NPC1: variants seen among roughly 807,000 people sequenced by gnomAD.
NPC1 encodes the protein NPC intracellular cholesterol transporter 1.
A neutral mutation model predicts 140.4 loss-of-function variants in NPC1; 85 were observed. The ratio of observed to expected loss-of-function variants is 0.61; its 90% confidence interval spans 0.51 to 0.72. NPC1 has a LOEUF of 0.72. Among genes scored for constraint, NPC1 ranks in the 30% least tolerant of loss-of-function variants. The pLI, the probability that NPC1 is intolerant of heterozygous loss-of-function variation, is 0.00. For synonymous variants in NPC1, 656 were observed against 624.8 expected, an observed-to-expected ratio of 1.05 and a Z score of -0.74; for missense variants, 1,504 against 1,623.8, an observed-to-expected ratio of 0.93 and a Z score of 1.27.
intron 5 of NPC1, among the ~76,000 whole-genome samples, chr18:23,560,737 C>A (rs1567969902): frequency 6.6e-6 from 1 of 152,168 alleles, no homozygotes; most frequent in Admixed American, 6.5e-5. Context: ...CAAGGCAACC[C>A]TTCAATCATG....
chr18:23,566,792 C>T (rs1322885895), intron 4 of NPC1, among the ~76,000 whole-genome samples: 1 of 152,194 alleles, frequency 6.6e-6, no homozygotes, highest in African/African-American at 2.4e-5. Context: ...ATTATAGTAT[C>T]ATATAGAGTA....
At position 23,553,254 on chromosome 18, in the gene NPC1, T is replaced by C. The variant is rs142105263; in HGVS notation, c.1553+1504A>G. 1.6e-3 allele frequency among the ~76,000 whole-genome samples: 241 copies of C among 152,362 alleles called. 1 individual carries two copies. The highest frequency in any genetic ancestry group is 5.5e-3 in the African/African-American group (230 of 41,592). ...TTATCTTGTGCCACAGAGAGTAAAC[T>C]ATAAAATTTATGTAACATTAAATGG... On this transcript the variant is annotated intron_variant, in intron 9 of 24. Transcript: ENST00000269228.
Position 23,568,934 on chromosome 18 carries a change from T to C in NPC1, c.352A>G (p.Ser118Gly). 1 of 1,613,946 alleles carries C rather than the reference T, an allele frequency of 6.2e-7. No homozygotes were observed. The highest frequency in any genetic ancestry group is 1.1e-5 in the South Asian group (1 of 91,074). The change falls in exon 4 of 25, where the codon AGT (serine) becomes GGT (glycine). Residue 118 changes from serine to glycine, a missense_variant. Ser to Gly is a moderately conservative substitution (Grantham distance 56). Coordinates refer to ENST00000269228, the MANE Select transcript of NPC1 (RefSeq NM_000271.5). ...GTAGCTGTAACATTCAAAAACTGACTCTGTCGAGGGCTACATGTCAGCTCA... is the reference window on the plus strand; with the variant it reads ...GTAGCTGTAACATTCAAAAACTGACCCTGTCGAGGGCTACATGTCAGCTCA... ...FCELTCSPRQ[S>G]QFLNVTATED...
chr18:23,585,995 C>A (rs999165464), intron 1 of NPC1, among the ~76,000 whole-genome samples: 1 of 152,236 alleles, frequency 6.6e-6, no homozygotes, highest in Non-Finnish European at 1.5e-5. Flanking sequence ...CCACTCTACC[C>A]ACTTTCCTCC....
At position 23,506,858 on chromosome 18, in the gene NPC1, T is replaced by G. The variant is rs2057729139; in HGVS notation, c.432-216A>C. The G allele has an allele frequency of 1.5e-5, 11 of 737,352 alleles. No individual in the cohort carries two copies. In the Admixed American group the frequency reaches 2.4e-4, roughly 16 times the overall value. The allele number at this position is 737,352 out of a possible 1,614,324, so 45.7% of individuals were successfully genotyped here. On this transcript the variant is annotated intron_variant, in intron 3 of 3. Coordinates refer to the NPC1 transcript ENST00000591107. ...GGCTTCCGAAACATAATTTTAATTT[T>G]AGACTAGAATTTGCTGCCTCCTGAA...
intron 4 of NPC1, 80 bp from the exon 5 acceptor site, chr18:23,561,607 TG>T: frequency 1.4e-6 from 2 of 1,436,226 alleles, no homozygotes; most frequent in Non-Finnish European, 2.0e-6. Flanking sequence ...AAAGGCCTCT[TG>T]AAGGGAAACA....
chr18:23,539,398 G>A lies in NPC1; in HGVS notation c.2868C>T (p.Cys956=). The change falls in exon 19 of 25, where the codon TGC becomes TGT. Residue 956 remains cysteine (C), a synonymous_variant. Coordinates refer to ENST00000269228, the MANE Select transcript of NPC1 (RefSeq NM_000271.5). ...GGTCAGTGATATTGTCCACTCGACA[G>A]CAAGACGACTGTGGCTTCACCCAGT... ...YFDWVKPQSS[C]CRVDNITDQF... 6.2e-7 allele frequency: 1 copy of A among 1,614,040 alleles called. No individual in the cohort carries two copies. The highest frequency in any genetic ancestry group is 1.1e-5 in the South Asian group (1 of 91,002).
At chr18:23,532,864 C>T (rs968083728) in intron 24 of NPC1, 8 of 984,972 alleles carry the variant, frequency 8.1e-6, no homozygotes, top group East Asian at 1.1e-4. Context: ...TTCTTTCAAC[C>T]GTGGGTCATT....
intron 6 of NPC1, 67 bp from the exon 7 acceptor site, chr18:23,557,257 T>G: frequency 8.5e-7 from 1 of 1,171,416 alleles, no homozygotes. Context: ...TTTGGGACAT[T>G]CCTGTAATCC....
chr18:23,532,882 A>G (rs776025126), intron 24 of NPC1: 96 of 985,250 alleles, frequency 9.7e-5, no homozygotes, highest in Non-Finnish European at 1.1e-4. Flanking sequence ...ATTTTTGTGC[A>G]AGGTGAAGTG....
intron 6 of NPC1, among the ~76,000 whole-genome samples, chr18:23,558,347 G>C (rs756561673): frequency 5.3e-5 from 8 of 152,164 alleles, no homozygotes; most frequent in Non-Finnish European, 1.0e-4. Context: ...CCAGGAAAGA[G>C]ACGCATCAAC....
chr18:23,545,215 C>T (rs544553817), intron 11 of NPC1, 66 bp from the exon 12 acceptor site: 1 of 1,217,572 alleles, frequency 8.2e-7, no homozygotes, highest in East Asian at 2.3e-5. Context: ...GAAACTTCTC[C>T]CTAACTTTCA....
At chr18:23,526,590 T>G, downstream of NPC1, 1 of 1,593,974 alleles carries the variant, frequency 6.3e-7, no homozygotes, top group South Asian at 1.1e-5. Context: ...TGGGCTTTTG[T>G]TACGGTTTGC....
intron 1 of NPC1, chr18:23,576,624 C>T (rs1286730217): frequency 9.5e-6 from 3 of 315,560 alleles, no homozygotes; most frequent in South Asian, 1.2e-4. Context: ...TAAGGTGGCG[C>T]GTCTGGAATC....
At chr18:23,559,166 A>C (rs1234512471) in intron 6 of NPC1, among the ~76,000 whole-genome samples, 1 of 152,166 alleles carries the variant, frequency 6.6e-6, no homozygotes, top group African/African-American at 2.4e-5. Flanking sequence ...TATTGTGAAT[A>C]GTGCCGCTAT....
downstream of NPC1, among the ~76,000 whole-genome samples, chr18:23,525,165 C>G (rs568347725): frequency 2.2e-4 from 33 of 151,740 alleles, no homozygotes; most frequent in African/African-American, 7.5e-4. Flanking sequence ...AGGCTGGTCT[C>G]AAACTCCCAA....
intron 1 of NPC1, chr18:23,582,069 T>A (rs2145587951): frequency 6.6e-6 from 1 of 152,342 alleles, no homozygotes; most frequent in Non-Finnish European, 1.5e-5. Context: ...ATCAAGGAGT[T>A]CGATCTGTAA....
At chr18:23,562,289 A>C (rs925312939) in intron 4 of NPC1, among the ~76,000 whole-genome samples, 1 of 124,956 alleles carries the variant, frequency 8.0e-6, no homozygotes, top group Non-Finnish European at 1.6e-5. Flanking sequence ...ACTCCATCAC[A>C]AAAAAACAAA....
chr18:23,529,611 A>G, downstream of NPC1: 1 of 1,602,792 alleles, frequency 6.2e-7, no homozygotes, highest in African/African-American at 1.3e-5. Context: ...TGGTATTTGT[A>G]AGACCACATT....
Sources: allele counts gnomAD v4.1 joint callset (sites outside exome capture counted in the v4.1 genomes callset), GRCh38; gene constraint gnomAD v4.1.1; transcripts MANE v1.5; gene names NCBI Gene and HGNC (gene_info 2026-07-23, HGNC 2026-07-21).